XPA: variants seen among roughly 807,000 people sequenced by gnomAD.
The protein encoded by XPA is XPA, DNA damage recognition and repair factor.
In XPA, 27 loss-of-function variants were observed where a neutral mutation model predicts 35.7. The observed-to-expected ratio is 0.76, with a 90% CI of 0.56 to 1.04. The LOEUF (loss-of-function observed/expected upper bound fraction) is 1.04, where lower values mean the gene tolerates loss of function less well. Among genes scored for constraint, XPA ranks in the 50% least tolerant of loss-of-function variants. The probability of loss-of-function intolerance (pLI) is 0.00; values close to 1 mark genes in which losing one functional copy is unlikely to be tolerated. For synonymous variants in XPA, 133 were observed against 118.4 expected (o/e 1.12, Z -0.80); for missense variants, 354 against 342.7 (o/e 1.03, Z -0.26).
At chr9:97,655,153 C>G in the XPA span, among the ~76,000 whole-genome samples, 1 of 152,136 alleles carries the variant, frequency 6.6e-6, no homozygotes, top group Non-Finnish European at 1.5e-5. Context: ...ATTTCATTCT[C>G]TAGTCAAGTA....
chr9:97,662,679 CATGTTTG>C, the XPA span, among the ~76,000 whole-genome samples: 2 of 152,112 alleles, frequency 1.3e-5, no homozygotes, highest in South Asian at 4.1e-4. Flanking sequence ...AATATTTCAC[CATGTTTG>C]AAGACAGTTC....
Position 97,697,310 on chromosome 9 carries a change from G to T in XPA, c.-18C>A. ...GCCGCCATCTCTGGCCCACTCCGAGGACCTAGCTCCCAGCTCCACGCACGC... is the reference window on the plus strand; with the variant it reads ...GCCGCCATCTCTGGCCCACTCCGAGTACCTAGCTCCCAGCTCCACGCACGC... On this transcript the variant is annotated 5_prime_UTR_variant, in exon 1 of 6. Transcript: ENST00000375128. The T allele has an allele frequency of 2.5e-6, 4 of 1,597,176 alleles. No homozygotes were observed. Among genetic ancestry groups the T allele is most frequent in the Non-Finnish European group, 3.4e-6 (4 of 1,179,156 alleles).
At chr9:97,696,167 C>T (rs1411763195) in intron 1 of XPA, among the ~76,000 whole-genome samples, 4 of 152,224 alleles carry the variant, frequency 2.6e-5, no homozygotes, top group Non-Finnish European at 5.9e-5. Context: ...CAGCCTCAGA[C>T]TCTTCTCACT....
At chr9:97,697,090 G>C in intron 1 of XPA, 31 bp downstream of exon 1, 2 of 1,517,660 alleles carry the variant, frequency 1.3e-6, no homozygotes, top group African/African-American at 1.4e-5. Context: ...GGCGGGGAGA[G>C]GGAAGGGGAA....
At chr9:97,667,308 A>AT in the XPA span, among the ~76,000 whole-genome samples, 1 of 152,220 alleles carries the variant, frequency 6.6e-6, no homozygotes. Flanking sequence ...CATAGTATTA[A>AT]TTTAGTATTT....
intron 4 of XPA, among the ~76,000 whole-genome samples, chr9:97,685,544 A>G (rs756801278): frequency 3.3e-5 from 5 of 152,198 alleles, no homozygotes; most frequent in Non-Finnish European, 5.9e-5. Context: ...AAGATGATGT[A>G]AAAAGTCTTC....
At chr9:97,680,289 A>C (rs1404505174) in intron 5 of XPA, among the ~76,000 whole-genome samples, 4 of 151,828 alleles carry the variant, frequency 2.6e-5, no homozygotes, top group African/African-American at 9.7e-5. Context: ...GCTCACTGCA[A>C]CCTCCACTTC....
the XPA span, among the ~76,000 whole-genome samples, chr9:97,665,796 T>G: frequency 7.8e-6 from 1 of 127,558 alleles, no homozygotes; most frequent in Non-Finnish European, 1.6e-5. Context: ...CATAGAACTT[T>G]TAACTGCATG....
rs1829083218 is a variant in XPA at position 97,697,228 on chromosome 9, G to C, written c.65C>G (p.Ala22Gly). The C allele has an allele frequency of 4.4e-6, 7 of 1,601,266 alleles. No individual in the cohort carries two copies. Reference sequence around the variant, plus strand: ...CCGCTCGATACTCGCCCGCACCGAGGCAGGCAGCTCCGCGGGTTGCTCTAA... The same window carrying C: ...CCGCTCGATACTCGCCCGCACCGAGCCAGGCAGCTCCGCGGGTTGCTCTAA... ...AALEQPAELPASVRASIERKR... is the reference protein window; with the variant it reads ...AALEQPAELPGSVRASIERKR... The change falls in exon 1 of 6, where the codon GCC becomes GGC. Residue 22 changes from alanine (A) to glycine (G), a missense_variant. Transcript: ENST00000375128.
chr9:97,689,266 A>G (rs1250254035), intron 3 of XPA, among the ~76,000 whole-genome samples: 1 of 151,592 alleles, frequency 6.6e-6, no homozygotes, highest in Non-Finnish European at 1.5e-5. Flanking sequence ...AAACAAAAAC[A>G]AAAAAAAACT....
intron 2 of XPA, among the ~76,000 whole-genome samples, chr9:97,692,917 A>G (rs1828935418): frequency 6.6e-6 from 1 of 152,164 alleles, no homozygotes; most frequent in Admixed American, 6.5e-5. Flanking sequence ...GCAAATAAAA[A>G]CAAATATTTT....
At chr9:97,659,723 C>T in the XPA span, among the ~76,000 whole-genome samples, 2 of 152,140 alleles carry the variant, frequency 1.3e-5, no homozygotes, top group African/African-American at 4.8e-5. Context: ...TTGTCCTGTA[C>T]TGGTTCCGAG....
intron 5 of XPA, chr9:97,675,822 G>A: frequency 1.7e-6 from 1 of 574,642 alleles, no homozygotes; most frequent in Non-Finnish European, 3.1e-6. Context: ...TGTGAAACAA[G>A]AGATTCAGAA....
chr9:97,655,813 T>A, the XPA span: 43 of 1,499,616 alleles, frequency 2.9e-5, no homozygotes, highest in Admixed American at 7.7e-5. Flanking sequence ...AAACTACTAA[T>A]GTTTAAAACT....
At chr9:97,658,669 T>C in the XPA span, 2 of 1,612,852 alleles carry the variant, frequency 1.2e-6, no homozygotes, top group African/African-American at 2.7e-5. Flanking sequence ...ATATTAGATA[T>C]TGTTCCTCCT....
chr9:97,669,936 T>C, downstream of XPA: 2 of 529,482 alleles, frequency 3.8e-6, no homozygotes, highest in Admixed American at 2.7e-5. Flanking sequence ...CCCCACCTTT[T>C]TTTTGAGATG....
At chr9:97,669,828 T>C in the XPA span, 6 of 737,994 alleles carry the variant, frequency 8.1e-6, no homozygotes, top group East Asian at 2.7e-5. Context: ...CTTTAGTTCA[T>C]GTCCATTTGC....
In XPA at chr9:97,675,034, C is replaced by T. The variant is rs941905735; in HGVS notation, c.*405G>A. On this transcript the variant is annotated 3_prime_UTR_variant, in exon 6 of 6. Transcript: ENST00000375128. ...AAACACATGACTAGAACCTGGGGTACAGTGGTGCACCACCATTGCTATTAT... is the reference window on the plus strand; with the variant it reads ...AAACACATGACTAGAACCTGGGGTATAGTGGTGCACCACCATTGCTATTAT... 23 of 529,848 alleles carry T rather than the reference C, an allele frequency of 4.3e-5. No individual in the cohort carries two copies. In the Admixed American group the frequency reaches 4.9e-4, roughly 11 times the overall value. 32.8% of individuals were successfully genotyped at this position (529,848 alleles called of 1,614,324 possible).
the XPA span, chr9:97,666,820 G>C: frequency 2.5e-6 from 4 of 1,610,546 alleles, no homozygotes; most frequent in Non-Finnish European, 3.4e-6. Context: ...AACATGTCCT[G>C]AAGATCCAGA....
Sources: gnomAD v4.1 joint callset for allele counts (sites outside exome capture counted in the v4.1 genomes callset) on GRCh38, gnomAD v4.1.1 for gene constraint, MANE v1.5 for transcripts, NCBI Gene and HGNC (gene_info 2026-07-23, HGNC 2026-07-21) for gene names.